The following FNDC3B variants were observed in gnomAD, a reference collection of about 807,000 sequenced individuals.
FNDC3B encodes fibronectin type III domain-containing protein 3B.
A neutral mutation model predicts 151.5 loss-of-function variants in FNDC3B; 12 were observed. The ratio of observed to expected loss-of-function variants is 0.08; its 90% CI spans 0.05 to 0.13. FNDC3B has a LOEUF of 0.13. Ranked by LOEUF, FNDC3B falls within the 10% of genes least tolerant of loss-of-function variation. The pLI is 1.00. For synonymous variants in FNDC3B, 528 were observed against 549.0 expected, an observed-to-expected ratio of 0.96 and a Z score of 0.54; for missense variants, 1,214 against 1,505.3, an observed-to-expected ratio of 0.81 and a Z score of 3.20.
chr3:172,152,004 G>C (rs1486364431), intron 3 of FNDC3B, among the ~76,000 whole-genome samples: 1 of 152,152 alleles, frequency 6.6e-6, no homozygotes, highest in East Asian at 1.9e-4. Flanking sequence ...TCCACTTGTG[G>C]ATACTCAGTC....
At chr3:172,276,143 C>G (rs1202775421) in intron 6 of FNDC3B, among the ~76,000 whole-genome samples, 1 of 152,166 alleles carries the variant, frequency 6.6e-6, no homozygotes, top group Non-Finnish European at 1.5e-5. Flanking sequence ...TAGCTTTTAA[C>G]AAATCCAAAA....
In FNDC3B at chr3:172,341,225, C is replaced by T. The variant is rs1441460900; in HGVS notation, c.1965C>T (p.His655=). The T allele has an allele frequency of 1.2e-6, 2 of 1,612,948 alleles. No homozygotes were observed. Among genetic ancestry groups the T allele is most frequent in the South Asian group, 1.1e-5 (1 of 91,056 alleles). The change falls in exon 17 of 26, where the codon CAC becomes CAT. Residue 655 remains histidine, a synonymous_variant. Coordinates refer to ENST00000415807, the MANE Select transcript of FNDC3B (RefSeq NM_022763.4). The part of the protein sequence containing the change: ...LRACCISTGG[H]SQCSESLPVR... The stretch of plus-strand genomic sequence containing the variant: ...CATGCTGCATCAGTACCGGCGGACA[C>T]AGCCAGGTTGGTTTTGTTTCCATAT...
At chr3:172,282,142 G>A (rs1316847443) in intron 6 of FNDC3B, among the ~76,000 whole-genome samples, 2 of 152,162 alleles carry the variant, frequency 1.3e-5, no homozygotes, top group Non-Finnish European at 2.9e-5. Flanking sequence ...TAGACTGTTA[G>A]CTTTCGTACA....
intron 3 of FNDC3B, among the ~76,000 whole-genome samples, chr3:172,164,796 A>G (rs4894815): frequency 0.76 from 115,362 of 152,140 alleles, 45,313 homozygotes; most frequent in African/African-American, 0.87. Flanking sequence ...GTAATATATC[A>G]TCCTGTCAGG....
intron 4 of FNDC3B, among the ~76,000 whole-genome samples, chr3:172,246,234 G>A (rs142329514): frequency 9.9e-5 from 15 of 151,212 alleles, no homozygotes; most frequent in Non-Finnish European, 1.8e-4. Flanking sequence ...GTGTGTGCCC[G>A]ATCGTGCATT....
intron 4 of FNDC3B, chr3:172,237,623 G>A (rs894650451): frequency 5.3e-5 from 8 of 152,144 alleles, no homozygotes; most frequent in African/African-American, 1.2e-4. Flanking sequence ...AAGCACCAAT[G>A]GGATGGGAAA....
chr3:172,302,639 T>G (rs1440239514), intron 9 of FNDC3B: 2 of 152,248 alleles, frequency 1.3e-5, no homozygotes, highest in Non-Finnish European at 2.9e-5. Flanking sequence ...ATGCATACAT[T>G]GATTAGCAAA....
chr3:172,371,235 G>A (rs531120536), intron 23 of FNDC3B, among the ~76,000 whole-genome samples: 1 of 151,682 alleles, frequency 6.6e-6, no homozygotes, highest in East Asian at 1.9e-4. Flanking sequence ...GTTTACTTAT[G>A]ATACCTAATA....
At chr3:172,225,528 C>G in intron 3 of FNDC3B, 1 of 191,920 alleles carries the variant, frequency 5.2e-6, no homozygotes. Context: ...GCATCACATT[C>G]ATCTGAAGGA....
At chr3:172,344,318 C>A in intron 19 of FNDC3B, 60 bp downstream of exon 19, 2 of 1,481,086 alleles carry the variant, frequency 1.4e-6, no homozygotes, top group South Asian at 1.3e-5. Context: ...ACCCAAAGTG[C>A]TAGCACTTCT....
At chr3:172,284,372 C>T (rs1197333586) in intron 6 of FNDC3B, among the ~76,000 whole-genome samples, 1 of 152,148 alleles carries the variant, frequency 6.6e-6, no homozygotes, top group Non-Finnish European at 1.5e-5. Flanking sequence ...TTTGCCTACT[C>T]CGGACCCTGT....
chr3:172,367,168 T>C (rs141562924), intron 23 of FNDC3B, among the ~76,000 whole-genome samples: 1 of 152,344 alleles, frequency 6.6e-6, no homozygotes, highest in Non-Finnish European at 1.5e-5. Context: ...TCCACATTTA[T>C]AAGTGGAAGC....
chr3:172,142,538 G>GTGACT (rs1286514347), intron 3 of FNDC3B, among the ~76,000 whole-genome samples: 1 of 152,220 alleles, frequency 6.6e-6, no homozygotes, highest in African/African-American at 2.4e-5. Context: ...TTCACAGCTT[G>GTGACT]TAGTCTTTCA....
intron 3 of FNDC3B, among the ~76,000 whole-genome samples, chr3:172,188,700 CG>C (rs1332959665): frequency 1.3e-5 from 2 of 152,148 alleles, no homozygotes; most frequent in Non-Finnish European, 2.9e-5. Context: ...CCACGGCTCC[CG>C]GCCCGAAACT....
intron 3 of FNDC3B, among the ~76,000 whole-genome samples, chr3:172,188,378 G>C (rs1724311945): frequency 6.6e-6 from 1 of 151,770 alleles, no homozygotes; most frequent in Non-Finnish European, 1.5e-5. Flanking sequence ...GCTATGTTTA[G>C]AGTGGTGGAA....
chr3:172,241,762 G>A (rs899467221), intron 4 of FNDC3B, among the ~76,000 whole-genome samples: 1 of 152,142 alleles, frequency 6.6e-6, no homozygotes, highest in Admixed American at 6.5e-5. Context: ...ATATCATTAT[G>A]TACCTGGCCC....
chr3:172,298,714 C>G lies in FNDC3B; in HGVS notation c.1002-14C>G, dbSNP rs764934303. 4 of 1,592,358 alleles carry G rather than the reference C, an allele frequency of 2.5e-6. No individual in the cohort carries two copies. The highest frequency in any genetic ancestry group is 2.7e-5 in the African/African-American group (2 of 73,882). Reference sequence around the variant, plus strand: ...AACTGGAATTAGCAACTAATGAATGCTTTTTCTTTACAGTGGAGAAGAATT... The same window carrying G: ...AACTGGAATTAGCAACTAATGAATGGTTTTTCTTTACAGTGGAGAAGAATT... On this transcript the variant is annotated splice_polypyrimidine_tract_variant and intron_variant, in intron 8 of 25. Transcript: ENST00000415807.
intron 3 of FNDC3B, among the ~76,000 whole-genome samples, chr3:172,217,892 G>A (rs553696852): frequency 4.6e-5 from 7 of 152,220 alleles, no homozygotes; most frequent in Admixed American, 6.5e-5. Flanking sequence ...GTTCACTAAC[G>A]CTGGCCTTGT....
chr3:172,238,714 GA>G (rs1462188319), intron 4 of FNDC3B, among the ~76,000 whole-genome samples: 1 of 152,080 alleles, frequency 6.6e-6, no homozygotes, highest in Non-Finnish European at 1.5e-5. Context: ...TACCATATTA[GA>G]AAATGCAGAG....
Sources: gnomAD v4.1 joint callset for allele counts (sites outside exome capture counted in the v4.1 genomes callset) on GRCh38, gnomAD v4.1.1 for gene constraint, MANE v1.5 for transcripts, NCBI Gene and HGNC (gene_info 2026-07-23, HGNC 2026-07-21) for gene names.